OVAAL: variants seen among roughly 807,000 people sequenced by gnomAD.
OVAAL encodes long intergenic non-protein coding RNA 1131.
chr1:180,558,970 T>G (rs1231897548), intron 1 of OVAAL: 1 of 155,664 alleles, frequency 6.4e-6, no homozygotes, highest in Non-Finnish European at 1.4e-5. Flanking sequence ...CTTCCTCGTT[T>G]TCTCTTGCCA....
intron 1 of OVAAL, among the ~76,000 whole-genome samples, chr1:180,561,923 T>G (rs1653212648): frequency 6.6e-6 from 1 of 151,310 alleles, no homozygotes; most frequent in Non-Finnish European, 1.5e-5. Context: ...CTTGAGAGGC[T>G]GAGGCAAGAG....
At chr1:180,559,731 C>T (rs1212781761) in intron 1 of OVAAL, among the ~76,000 whole-genome samples, 2 of 151,860 alleles carry the variant, frequency 1.3e-5, no homozygotes, top group Non-Finnish European at 1.5e-5. Context: ...CATGGTGAAA[C>T]CCCGTCTCTA....
At chr1:180,565,533 T>C (rs976888348) in exon 3 of OVAAL, 6 of 152,208 alleles carry the variant, frequency 3.9e-5, no homozygotes, top group Non-Finnish European at 8.8e-5. Context: ...TGGTTTGCTT[T>C]CCAAATGGTA....
intron 2 of OVAAL, among the ~76,000 whole-genome samples, chr1:180,564,740 G>T (rs1233232508): frequency 6.6e-6 from 1 of 152,068 alleles, no homozygotes; most frequent in African/African-American, 2.4e-5. Flanking sequence ...CTCCCTGCTC[G>T]ATGTTCACCT....
rs191890756 is a variant in OVAAL at position 180,563,369 on chromosome 1, G to A, written n.513+1025G>A. Among the ~76,000 whole-genome samples, 127 of 152,316 alleles carry A rather than the reference G, an allele frequency of 8.3e-4. 1 individual carries two copies. Among genetic ancestry groups the A allele is most frequent in the Middle Eastern group, 3.4e-3 (1 of 294 alleles). The stretch of plus-strand genomic sequence containing the variant: ...TTCACAGTTTGGGTCACTGTGAATG[G>A]AATTGTTAACAGTGGAGAATTCGTA... On this transcript the variant is annotated intron_variant and non_coding_transcript_variant, in intron 2 of 2. Transcript: ENST00000673955.
At chr1:180,561,379 G>T (rs574084727) in intron 1 of OVAAL, among the ~76,000 whole-genome samples, 1 of 152,276 alleles carries the variant, frequency 6.6e-6, no homozygotes, top group Non-Finnish European at 1.5e-5. Context: ...CCTGGCATTT[G>T]CTGTCAGAAC....
intron 2 of OVAAL, among the ~76,000 whole-genome samples, chr1:180,564,596 C>T (rs1653261420): frequency 6.6e-6 from 1 of 152,132 alleles, no homozygotes; most frequent in Admixed American, 6.5e-5. Context: ...GTCACCTGAG[C>T]CACTAAAATC....
intron 1 of OVAAL, among the ~76,000 whole-genome samples, chr1:180,559,943 C>T (rs1041396719): frequency 3.3e-5 from 5 of 151,734 alleles, no homozygotes; most frequent in African/African-American, 1.2e-4. Flanking sequence ...ACTATAGCCA[C>T]CTCAGGAAAG....
intron 1 of OVAAL, among the ~76,000 whole-genome samples, chr1:180,561,029 G>T (rs1278242412): frequency 6.6e-6 from 1 of 152,116 alleles, no homozygotes; most frequent in East Asian, 1.9e-4. Flanking sequence ...TGGGGCTTGA[G>T]TCACTGCATT....
intron 1 of OVAAL, among the ~76,000 whole-genome samples, chr1:180,559,539 G>A (rs1452696953): frequency 2.0e-5 from 3 of 152,150 alleles, no homozygotes; most frequent in African/African-American, 7.2e-5. Context: ...CTTGGGTGCT[G>A]TTAAAAGCAT....
At chr1:180,560,269 T>A (rs113401320) in intron 1 of OVAAL, among the ~76,000 whole-genome samples, 2 of 151,890 alleles carry the variant, frequency 1.3e-5, no homozygotes, top group African/African-American at 2.4e-5. Flanking sequence ...GGCACAGAGA[T>A]AAAGTAGGTG....
chr1:180,564,254 G>A (rs1335944578), intron 2 of OVAAL, among the ~76,000 whole-genome samples: 2 of 152,092 alleles, frequency 1.3e-5, no homozygotes, highest in East Asian at 1.9e-4. Flanking sequence ...CGGATTGCCA[G>A]TTAAAATACA....
At chr1:180,559,683 G>A (rs1484400106) in intron 1 of OVAAL, among the ~76,000 whole-genome samples, 3 of 152,048 alleles carry the variant, frequency 2.0e-5, no homozygotes, top group Admixed American at 1.3e-4. Context: ...CGAGGTGGGT[G>A]GATCACGAGG....
At chr1:180,561,527 G>A (rs939864169) in intron 1 of OVAAL, among the ~76,000 whole-genome samples, 1 of 152,094 alleles carries the variant, frequency 6.6e-6, no homozygotes, top group Non-Finnish European at 1.5e-5. Flanking sequence ...CAGAGCAGTT[G>A]CTTTGCCTGG....
chr1:180,566,079 TG>T (rs1482933917), exon 3 of OVAAL: 2 of 152,222 alleles, frequency 1.3e-5, no homozygotes, highest in Non-Finnish European at 2.9e-5. Flanking sequence ...TAAACCCAGC[TG>T]TTTACACAGC....
chr1:180,565,670 AGG>A (rs1653277395), exon 3 of OVAAL: 1 of 152,238 alleles, frequency 6.6e-6, no homozygotes, highest in Admixed American at 6.5e-5. Context: ...AGCCCTAAGC[AGG>A]ATACAGCAAG....
intron 2 of OVAAL, among the ~76,000 whole-genome samples, chr1:180,562,966 T>C (rs1238003241): frequency 6.6e-6 from 1 of 152,220 alleles, no homozygotes; most frequent in African/African-American, 2.4e-5. Flanking sequence ...AGTGGTCCTT[T>C]ACAGGCAGAT....
intron 2 of OVAAL, among the ~76,000 whole-genome samples, chr1:180,564,632 G>A (rs1490404054): frequency 6.6e-6 from 1 of 152,164 alleles, no homozygotes; most frequent in Non-Finnish European, 1.5e-5. Flanking sequence ...CTCTGAACTA[G>A]GAATACGCTG....
intron 1 of OVAAL, among the ~76,000 whole-genome samples, chr1:180,561,835 C>T (rs1238781405): frequency 1.3e-5 from 2 of 151,952 alleles, no homozygotes; most frequent in East Asian, 1.9e-4. Context: ...TCAGCCTGGC[C>T]AAAGTGGTGA....
Sources: gnomAD v4.1 joint callset for allele counts (sites outside exome capture counted in the v4.1 genomes callset) on GRCh38, gnomAD v4.1.1 for gene constraint, MANE v1.5 for transcripts, NCBI Gene and HGNC (gene_info 2026-07-23, HGNC 2026-07-21) for gene names.